The following ETV6 variants were observed in gnomAD, a reference collection of about 807,000 sequenced individuals.
ETV6 encodes the protein ETS variant transcription factor 6.
Under a neutral mutation model 51.1 loss-of-function variants are expected in ETV6, and 16 were observed. The ratio of observed to expected loss-of-function variants is 0.31; its 90% CI spans 0.21 to 0.48. ETV6 has a LOEUF of 0.48. ETV6 is among the 20% of genes least tolerant of loss of function. The pLI, the probability that ETV6 is intolerant of heterozygous loss-of-function variation, is 0.99. For missense variants in ETV6, 458 were observed against 594.8 expected (o/e 0.77, Z 2.39); for synonymous variants, 240 against 224.1 (o/e 1.07, Z -0.64).
intron 1 of ETV6, among the ~76,000 whole-genome samples, chr12:11,658,498 G>A (rs1778180027): frequency 6.6e-6 from 1 of 152,216 alleles, no homozygotes; most frequent in Non-Finnish European, 1.5e-5. Flanking sequence ...GCCTCTGAAA[G>A]TGCTGGGATT....
chr12:11,732,611 C>T (rs1185436499), intron 1 of ETV6, among the ~76,000 whole-genome samples: 2 of 152,124 alleles, frequency 1.3e-5, no homozygotes, highest in African/African-American at 4.8e-5. Flanking sequence ...TGCACTGTGT[C>T]GTTTGAATGT....
intron 3 of ETV6, among the ~76,000 whole-genome samples, chr12:11,846,191 C>G (rs1946460866): frequency 6.7e-6 from 1 of 149,920 alleles, no homozygotes; most frequent in African/African-American, 2.5e-5. Flanking sequence ...TCTGACATAT[C>G]TAAAAAGTAC....
chr12:11,852,590 C>G (rs1047850875), intron 3 of ETV6, among the ~76,000 whole-genome samples: 1 of 152,162 alleles, frequency 6.6e-6, no homozygotes, highest in Non-Finnish European at 1.5e-5. Flanking sequence ...TTAATGACTT[C>G]ATAATTCTTC....
intron 2 of ETV6, among the ~76,000 whole-genome samples, chr12:11,832,517 G>A (rs1334559078): frequency 1.3e-5 from 2 of 152,210 alleles, no homozygotes; most frequent in African/African-American, 4.8e-5. Flanking sequence ...CTGATTTTAG[G>A]AAGAGAAGCT....
At chr12:11,865,296 G>T (rs1946776604) in intron 4 of ETV6, among the ~76,000 whole-genome samples, 1 of 148,444 alleles carries the variant, frequency 6.7e-6, no homozygotes, top group South Asian at 2.2e-4. Flanking sequence ...CTCAAAAAAA[G>T]ACTATAAAAT....
At chr12:11,664,321 A>G (rs935674844) in intron 1 of ETV6, among the ~76,000 whole-genome samples, 2 of 151,880 alleles carry the variant, frequency 1.3e-5, no homozygotes, top group African/African-American at 4.8e-5. Context: ...TCTTATTGTT[A>G]TTGTTTTTAT....
chr12:11,886,610 T>G (rs1947190294), intron 7 of ETV6, among the ~76,000 whole-genome samples: 1 of 152,218 alleles, frequency 6.6e-6, no homozygotes, highest in Non-Finnish European at 1.5e-5. Context: ...AAAATGTATT[T>G]CTTATAATGC....
At chr12:11,679,132 G>A (rs1436490481) in intron 1 of ETV6, among the ~76,000 whole-genome samples, 1 of 152,296 alleles carries the variant, frequency 6.6e-6, no homozygotes, top group Admixed American at 6.5e-5. Context: ...CTTGTCCTTA[G>A]TGTGTGTTTG....
intron 1 of ETV6, among the ~76,000 whole-genome samples, chr12:11,742,414 T>A (rs187930255): frequency 6.6e-6 from 1 of 152,220 alleles, no homozygotes; most frequent in Non-Finnish European, 1.5e-5. Flanking sequence ...GAAATTTCTA[T>A]GATATTTGAC....
intron 2 of ETV6, among the ~76,000 whole-genome samples, chr12:11,824,389 C>T (rs1946123783): frequency 6.6e-6 from 1 of 152,192 alleles, no homozygotes; most frequent in African/African-American, 2.4e-5. Flanking sequence ...GTGTAGAGTT[C>T]TCTGGGCCCT....
chr12:11,750,790 GGCTT>G, intron 1 of ETV6: 1 of 435,910 alleles, frequency 2.3e-6, no homozygotes, highest in Non-Finnish European at 4.3e-6. Context: ...TATATGTGTG[GGCTT>G]TTTTTTTTTT....
chr12:11,853,076 A>G lies in ETV6; in HGVS notation c.329-351A>G, dbSNP rs139655011. On this transcript the variant is annotated intron_variant, in intron 3 of 7. Coordinates refer to ENST00000396373, the MANE Select transcript of ETV6 (RefSeq NM_001987.5). ...TTGGTTCGCACCTGTAGTCCCAGCTACTTGGAGGGCTGAGGTGGGAGGATC... is the reference window on the plus strand; with the variant it reads ...TTGGTTCGCACCTGTAGTCCCAGCTGCTTGGAGGGCTGAGGTGGGAGGATC... Among the ~76,000 whole-genome samples the G allele has an allele frequency of 5.6e-3, 854 of 152,300 alleles. 5 individuals are homozygous for G. The highest frequency in any genetic ancestry group is 0.019 in the African/African-American group (801 of 41,550).
chr12:11,890,418 C>A (rs1947269044), intron 7 of ETV6, among the ~76,000 whole-genome samples: 1 of 147,664 alleles, frequency 6.8e-6, no homozygotes, highest in Non-Finnish European at 1.5e-5. Flanking sequence ...ACGTCACAGA[C>A]AGCCTAGACT....
chr12:11,800,045 A>T (rs1030611807), intron 2 of ETV6, among the ~76,000 whole-genome samples: 5 of 152,220 alleles, frequency 3.3e-5, no homozygotes, highest in Non-Finnish European at 5.9e-5. Context: ...AGCAGGGCTT[A>T]TATTTGAGTT....
chr12:11,859,398 C>T lies in ETV6; in HGVS notation c.463+5837C>T, dbSNP rs540483773. 2.0e-5 allele frequency among the ~76,000 whole-genome samples: 3 copies of T among 152,090 alleles called. No individual in the cohort carries two copies. The South Asian group carries it at 6.2e-4, about 32-fold the overall frequency. ...CCTCGTGATCCGCCCGCCTCGGCCT[C>T]CCAAAGTGCTGGGATTACAAGCATG... On this transcript the variant is annotated intron_variant, in intron 4 of 7. Coordinates refer to ENST00000396373, the MANE Select transcript of ETV6 (RefSeq NM_001987.5).
At chr12:11,737,166 C>A (rs1865718997) in intron 1 of ETV6, among the ~76,000 whole-genome samples, 2 of 152,160 alleles carry the variant, frequency 1.3e-5, no homozygotes, top group Non-Finnish European at 2.9e-5. Flanking sequence ...TTGTGAAGAA[C>A]AAGACCTAGA....
intron 1 of ETV6, among the ~76,000 whole-genome samples, chr12:11,744,283 A>C (rs1004012126): frequency 6.6e-6 from 1 of 152,256 alleles, no homozygotes; most frequent in Non-Finnish European, 1.5e-5. Flanking sequence ...TAGCCAGACC[A>C]TTAAAGGGAA....
chr12:11,861,975 G>A (rs1292430667), intron 4 of ETV6, among the ~76,000 whole-genome samples: 1 of 152,176 alleles, frequency 6.6e-6, no homozygotes. Context: ...AAGACAGTCT[G>A]CAGCCCCGAC....
At chr12:11,676,747 A>G (rs1054060827) in intron 1 of ETV6, among the ~76,000 whole-genome samples, 1 of 152,170 alleles carries the variant, frequency 6.6e-6, no homozygotes, top group Non-Finnish European at 1.5e-5. Flanking sequence ...ATCAGAGCCC[A>G]TCTTGGTTTT....
Sources: allele counts gnomAD v4.1 joint callset (sites outside exome capture counted in the v4.1 genomes callset), GRCh38; gene constraint gnomAD v4.1.1; transcripts MANE v1.5; gene names NCBI Gene and HGNC (gene_info 2026-07-23, HGNC 2026-07-21).